Variants in NRG1 observed in about 807,000 individuals in gnomAD.
The protein encoded by NRG1 is neuregulin 1.
A neutral mutation model predicts 63.8 loss-of-function variants in NRG1; 18 were observed. That is an observed-to-expected ratio of 0.28 (90% CI 0.19 to 0.42). The LOEUF is 0.42. NRG1 is among the 10% of genes least tolerant of loss of function. The pLI, the probability that NRG1 is intolerant of heterozygous loss-of-function variation, is 1.00. For synonymous variants in NRG1, 302 were observed against 301.3 expected (o/e 1.00, Z -0.02); for missense variants, 762 against 814.7 (o/e 0.94, Z 0.79).
chr8:32,565,636 A>G (rs1481893126), intron 1 of NRG1, among the ~76,000 whole-genome samples: 1 of 152,046 alleles, frequency 6.6e-6, no homozygotes. Flanking sequence ...CCCTAAACCT[A>G]GCAGTTTTAT....
intron 1 of NRG1, among the ~76,000 whole-genome samples, chr8:31,928,649 T>C (rs1680163): frequency 0.79 from 117,421 of 148,094 alleles, 47,757 homozygotes; most frequent in Middle Eastern, 0.89. Context: ...TATATATATA[T>C]ACACACACAC....
chr8:32,693,423 A>G (rs537717232), intron 5 of NRG1, among the ~76,000 whole-genome samples: 31 of 152,022 alleles, frequency 2.0e-4, no homozygotes, highest in Middle Eastern at 3.4e-3. Flanking sequence ...TTCACATGTT[A>G]GCCAGGATGG....
intron 9 of NRG1, among the ~76,000 whole-genome samples, chr8:32,757,338 T>A (rs1281041977): frequency 6.6e-6 from 1 of 152,216 alleles, no homozygotes; most frequent in Non-Finnish European, 1.5e-5. Context: ...AGCATCATCC[T>A]TCTTATTTTC....
At chr8:32,475,622 A>G (rs1824428709) in intron 1 of NRG1, among the ~76,000 whole-genome samples, 1 of 152,016 alleles carries the variant, frequency 6.6e-6, no homozygotes, top group Admixed American at 6.6e-5. Flanking sequence ...AGCTCACTAC[A>G]GCCTCAAACT....
intron 1 of NRG1, among the ~76,000 whole-genome samples, chr8:32,454,808 C>G (rs1197011530): frequency 6.6e-6 from 1 of 152,174 alleles, no homozygotes; most frequent in Non-Finnish European, 1.5e-5. Context: ...CCTTCACATT[C>G]ACTCACCACT....
chr8:31,838,809 T>C (rs1215950582), intron 1 of NRG1, among the ~76,000 whole-genome samples: 1 of 152,230 alleles, frequency 6.6e-6, no homozygotes, highest in East Asian at 1.9e-4. Context: ...GGTTATTTTA[T>C]GTTTTCCAAA....
intron 1 of NRG1, among the ~76,000 whole-genome samples, chr8:32,566,325 C>G (rs1837441561): frequency 2.0e-5 from 3 of 147,408 alleles, no homozygotes; most frequent in Admixed American, 1.4e-4. Context: ...CCACTTCACT[C>G]CAGCCACAGA....
intron 1 of NRG1, among the ~76,000 whole-genome samples, chr8:32,442,933 CT>C (rs34691635): frequency 0.18 from 26,486 of 146,444 alleles, 2,363 homozygotes; most frequent in African/African-American, 0.21. Context: ...GAAAGTATGT[CT>C]TTTTTTTTTT....
intron 1 of NRG1, among the ~76,000 whole-genome samples, chr8:32,198,380 G>T (rs1843173297): frequency 1.3e-5 from 2 of 152,084 alleles, no homozygotes; most frequent in Non-Finnish European, 1.5e-5. Context: ...GTTTCGCCAT[G>T]TTGGTCAGGC....
chr8:31,860,488 G>A (rs144885352), intron 1 of NRG1, among the ~76,000 whole-genome samples: 93 of 152,272 alleles, frequency 6.1e-4, no homozygotes, highest in Non-Finnish European at 1.1e-3. Context: ...AAACCTATTA[G>A]ATGTGCCATT....
intron 1 of NRG1, among the ~76,000 whole-genome samples, chr8:32,344,602 A>ATTTTTT (rs61448713): frequency 3.9e-4 from 39 of 101,162 alleles, no homozygotes; most frequent in East Asian, 5.6e-4. Flanking sequence ...ACACTCAGCT[A>ATTTTTT]TTTTTTTTTT....
intron 1 of NRG1, among the ~76,000 whole-genome samples, chr8:31,919,913 A>C (rs1357087965): frequency 6.6e-6 from 1 of 152,138 alleles, no homozygotes; most frequent in East Asian, 1.9e-4. Flanking sequence ...GAAATTGAGA[A>C]TGTTTGTGTG....
intron 1 of NRG1, among the ~76,000 whole-genome samples, chr8:32,041,491 G>A (rs77965919): frequency 0.021 from 3,166 of 152,268 alleles, 39 homozygotes; most frequent in South Asian, 0.038. Flanking sequence ...AAAACCAGGC[G>A]TGAGTTTACC....
chr8:32,074,473 G>T (rs571201998), intron 1 of NRG1, among the ~76,000 whole-genome samples: 4 of 152,110 alleles, frequency 2.6e-5, no homozygotes, highest in Non-Finnish European at 4.4e-5. Flanking sequence ...TAGTGAAGTG[G>T]CCCAATGAAA....
intron 1 of NRG1, among the ~76,000 whole-genome samples, chr8:32,200,329 G>T (rs1043453523): frequency 6.6e-6 from 1 of 152,124 alleles, no homozygotes; most frequent in Non-Finnish European, 1.5e-5. Flanking sequence ...GAATTTCCAA[G>T]AGTGCTTTAG....
chr8:31,965,032 G>A (rs16878578), intron 1 of NRG1, among the ~76,000 whole-genome samples: 1,651 of 152,294 alleles, frequency 0.011, 27 homozygotes, highest in African/African-American at 0.038. Flanking sequence ...ACTCAGGCCA[G>A]TGATGGAGCA....
chr8:32,112,260 T>C (rs974087404), intron 1 of NRG1, among the ~76,000 whole-genome samples: 3 of 152,236 alleles, frequency 2.0e-5, no homozygotes, highest in Non-Finnish European at 4.4e-5. Flanking sequence ...CAAGTGGTTT[T>C]GCTTCATTCC....
intron 1 of NRG1, among the ~76,000 whole-genome samples, chr8:32,354,690 A>G (rs1806114423): frequency 6.6e-6 from 1 of 150,424 alleles, no homozygotes; most frequent in Non-Finnish European, 1.5e-5. Context: ...GGAGTTTGAG[A>G]CATAGCAAGA....
chr8:32,314,684 C>T lies in NRG1; in HGVS notation c.38-281144C>T, dbSNP rs78819907. On this transcript the variant is annotated intron_variant, in intron 1 of 10. Coordinates refer to the NRG1 transcript ENST00000519301. ...ATAGAAATGCTAAAAGTCTGAAAGACGAGGAAGGGAGCACATTTCCTCCCT... is the reference window on the plus strand; with the variant it reads ...ATAGAAATGCTAAAAGTCTGAAAGATGAGGAAGGGAGCACATTTCCTCCCT... 4.1e-3 allele frequency among the ~76,000 whole-genome samples: 620 copies of T among 152,264 alleles called. 3 individuals are homozygous for T. Among genetic ancestry groups the T allele is most frequent in the African/African-American group, 0.014 (579 of 41,550 alleles).
Sources: allele counts gnomAD v4.1 joint callset (sites outside exome capture counted in the v4.1 genomes callset), GRCh38; gene constraint gnomAD v4.1.1; transcripts MANE v1.5; gene names NCBI Gene and HGNC (gene_info 2026-07-23, HGNC 2026-07-21).